BAIAP3: variants seen among roughly 807,000 people sequenced by gnomAD.
BAIAP3 encodes the protein BAI1-associated protein 3.
In BAIAP3, 180 loss-of-function variants were observed where a neutral mutation model predicts 149.7. That is an observed-to-expected ratio of 1.20 (90% CI 1.07 to 1.36). The LOEUF is 1.36. BAIAP3 is among the 40% of genes most tolerant of loss of function. BAIAP3 has a pLI of 0.00. For synonymous variants in BAIAP3, 845 were observed against 670.7 expected (o/e 1.26, Z -4.02); for missense variants, 1,767 against 1,563.4 (o/e 1.13, Z -2.20).
At position 1,346,213 on chromosome 16, in the gene BAIAP3, C is replaced by T. The variant is rs1330645293; in HGVS notation, c.2345C>T (p.Ala782Val). The T allele has an allele frequency of 1.7e-5, 28 of 1,612,310 alleles. No homozygotes were observed. The highest frequency in any genetic ancestry group is 2.2e-5 in the Non-Finnish European group (26 of 1,179,826). The stretch of plus-strand genomic sequence containing the variant: ...AATGTGGAGCTCGTGCGCAAGGCTG[C>T]TGGGCAGGCCTTGAAGGGCCTGGCA... ...LNNVELVRKA[A>V]GQALKGLAWP... is the part of the protein sequence containing the mutation. The change falls in exon 25 of 34, where the codon GCT becomes GTT. Residue 782 changes from alanine (A) to valine (V), a missense_variant. Coordinates refer to ENST00000426824, the MANE Select transcript of BAIAP3 (RefSeq NM_001199097.2).
At chr16:1,335,107 A>G (rs570243278) in intron 1 of BAIAP3, among the ~76,000 whole-genome samples, 1 of 152,324 alleles carries the variant, frequency 6.6e-6, no homozygotes, top group South Asian at 2.1e-4. Context: ...GCCTGGCAGG[A>G]GACAGCTTGG....
intron 1 of BAIAP3, among the ~76,000 whole-genome samples, chr16:1,336,008 G>C (rs776304319): frequency 7.9e-5 from 12 of 152,184 alleles, no homozygotes; most frequent in Non-Finnish European, 1.8e-4. Context: ...AATGCAGGGA[G>C]GGTACCGAGC....
intron 1 of BAIAP3, among the ~76,000 whole-genome samples, chr16:1,338,146 T>C (rs2033595371): frequency 6.6e-6 from 1 of 152,044 alleles, no homozygotes; most frequent in Non-Finnish European, 1.5e-5. Flanking sequence ...GTCCTCTTGA[T>C]GCAGCCCCAG....
At position 1,345,896 on chromosome 16, in the gene BAIAP3, T is replaced by C; in HGVS notation, c.2208+6T>C. 1 of 1,578,194 alleles carries C rather than the reference T, an allele frequency of 6.3e-7. No individual in the cohort carries two copies. Among genetic ancestry groups the C allele is most frequent in the Non-Finnish European group, 8.6e-7 (1 of 1,162,998 alleles). On this transcript the variant is annotated splice_donor_region_variant and intron_variant, in intron 23 of 33. Coordinates refer to ENST00000426824, the MANE Select transcript of BAIAP3 (RefSeq NM_001199097.2). ...TGGGCACCCAGCTTGGCCAGGTGTGTGGGTGGGCCCTGGGGGTGAGGGGAA... is the reference window on the plus strand; with the variant it reads ...TGGGCACCCAGCTTGGCCAGGTGTGCGGGTGGGCCCTGGGGGTGAGGGGAA...
intron 5 of BAIAP3, among the ~76,000 whole-genome samples, chr16:1,340,177 AGGTGCACACAGACACACG>A (rs2033806603): frequency 2.0e-5 from 2 of 100,130 alleles, no homozygotes; most frequent in Non-Finnish European, 3.7e-5. Flanking sequence ...CACAGGCTGC[AGGTGCACACAGACACACG>A]CACACAGGCT....
Position 1,346,072 on chromosome 16 carries a change from C to G in BAIAP3, c.2295C>G (p.Ser765Arg). ...TQPGAAGEAV[S>R]EALCVVLNNV... is the part of the protein sequence containing the mutation. ...CAGGGGCGGCCGGTGAAGCAGTGAG[C>G]GAGGCGGTGAGTGACCAGCTGGGGA... The change falls in exon 24 of 34, where the codon AGC (serine) becomes AGG (arginine). Residue 765 changes from serine to arginine, a missense_variant. Ser to Arg is a moderately radical substitution (Grantham distance 110, BLOSUM62 -1). Transcript: ENST00000426824. The G allele has an allele frequency of 6.2e-7, 1 of 1,610,356 alleles. No individual in the cohort carries two copies.
At position 1,338,592 on chromosome 16, in the gene BAIAP3, G is replaced by A. The variant is rs770107813; in HGVS notation, c.43G>A (p.Val15Met). 6.2e-7 allele frequency: 1 copy of A among 1,609,222 alleles called. No homozygotes were observed. Among genetic ancestry groups the A allele is most frequent in the Non-Finnish European group, 8.5e-7 (1 of 1,178,410 alleles). ...CATTAAGAGCAGCGTGCTCAGGCAG[G>A]TGCAGGTGTGCCCGTCCTTCCGCCG... is the stretch of plus-strand genomic sequence containing the variant. ...LDIKSSVLRQ[V>M]QVCPSFRRRT... The change falls in exon 2 of 34, where the codon GTG becomes ATG. Residue 15 changes from valine to methionine, a missense_variant. By Grantham distance (21) the Val-to-Met change is conservative. Coordinates refer to ENST00000426824, the MANE Select transcript of BAIAP3 (RefSeq NM_001199097.2).
chr16:1,334,173 C>A (rs2033307503), intron 1 of BAIAP3, among the ~76,000 whole-genome samples: 1 of 151,998 alleles, frequency 6.6e-6, no homozygotes, highest in Non-Finnish European at 1.5e-5. Flanking sequence ...CACCCCCCAG[C>A]GTCCTCGTCC....
chr16:1,337,098 A>G (rs1251419455), intron 1 of BAIAP3, among the ~76,000 whole-genome samples: 1 of 152,116 alleles, frequency 6.6e-6, no homozygotes, highest in African/African-American at 2.4e-5. Flanking sequence ...GGCAGTGCAG[A>G]GGTGGAGGGT....
intron 1 of BAIAP3, chr16:1,336,438 G>C: frequency 1.0e-6 from 1 of 971,942 alleles, no homozygotes; most frequent in Non-Finnish European, 1.2e-6. Context: ...CACAGGGTGG[G>C]AGACGCAAAC....
At chr16:1,341,534 G>T (rs761494117) in intron 8 of BAIAP3, 45 bp downstream of exon 8, 1 of 1,578,048 alleles carries the variant, frequency 6.3e-7, no homozygotes, top group Non-Finnish European at 8.6e-7. Flanking sequence ...GCTCTGCCTG[G>T]GGTCCAGAGC....
chr16:1,336,621 C>T (rs533684785), intron 1 of BAIAP3, among the ~76,000 whole-genome samples: 3 of 152,150 alleles, frequency 2.0e-5, no homozygotes, highest in Admixed American at 1.3e-4. Context: ...AGCAGGGGCC[C>T]GGGAGCTGGC....
chr16:1,341,843 G>T lies in BAIAP3; in HGVS notation c.753G>T (p.Thr251=), dbSNP rs376011569. 1.2e-6 allele frequency: 2 copies of T among 1,612,406 alleles called. No homozygotes were observed. The highest frequency in any genetic ancestry group is 2.2e-5 in the South Asian group (2 of 91,022). Residue 251 remains threonine, a synonymous_variant, in exon 9 of 34, where the codon ACG becomes ACT. Transcript: ENST00000426824. ...GTAGCGAGATTGAGGATGTGAGCAC[G>T]GACCAGCTGCACCTGGACATCTGGT... ...HFLFEIEDVS[T]DQLHLDIWDH...
Position 1,341,180 on chromosome 16 carries a change from GCCAAGGACC to G in BAIAP3, c.525_533del (p.Lys175_Pro177del). 6.2e-7 allele frequency: 1 copy of G among 1,612,710 alleles called. No homozygotes were observed. The highest frequency in any genetic ancestry group is 1.3e-5 in the African/African-American group (1 of 75,058). ...TGTCATGCGTGCCAAGAACCTTCTGGCCAAGGACCCCAACGGTGAGTGGGGACCCAGCAG... is the reference window on the plus strand; with the variant it reads ...TGTCATGCGTGCCAAGAACCTTCTGGCCAACGGTGAGTGGGGACCCAGCAG... On this transcript the variant is annotated inframe_deletion, in exon 7 of 34. Coordinates refer to ENST00000426824, the MANE Select transcript of BAIAP3 (RefSeq NM_001199097.2).
Position 1,348,557 on chromosome 16 carries a change from G to A in BAIAP3, c.*75G>A. The stretch of plus-strand genomic sequence containing the variant: ...AGCATCCTCCAGCTCACTGTGGCCA[G>A]CTTTGTGCAACCAGGGCCCACGGCG... On this transcript the variant is annotated 3_prime_UTR_variant, in exon 34 of 34. Coordinates refer to ENST00000426824, the MANE Select transcript of BAIAP3 (RefSeq NM_001199097.2). 2 of 1,444,714 alleles carry A rather than the reference G, an allele frequency of 1.4e-6. No individual in the cohort carries two copies. The highest frequency in any genetic ancestry group is 1.9e-6 in the Non-Finnish European group (2 of 1,054,322). The allele number at this position is 1,444,714 out of a possible 1,614,324, so 89.5% of individuals were successfully genotyped here. A position where few individuals can be genotyped will look rare whatever the true frequency, so the allele number is the denominator to read the frequency against.
chr16:1,336,209 G>C (rs1248427409), intron 1 of BAIAP3: 1 of 985,174 alleles, frequency 1.0e-6, no homozygotes, highest in African/African-American at 1.7e-5. Context: ...TGGCTTCGGG[G>C]GACAGCAGGG....
In BAIAP3 at chr16:1,337,054, G is replaced by A. The variant is rs531138048; in HGVS notation, c.-10-1486G>A. Among the ~76,000 whole-genome samples, 9 of 152,306 alleles carry A rather than the reference G, an allele frequency of 5.9e-5. No homozygotes were observed. In the East Asian group the frequency reaches 1.5e-3, roughly 26 times the overall value. On this transcript the variant is annotated intron_variant, in intron 1 of 33. Coordinates refer to ENST00000426824, the MANE Select transcript of BAIAP3 (RefSeq NM_001199097.2). Reference sequence around the variant, plus strand: ...CTCTGGGACAGTTTCCATGGAGCGGGGAGGAGACCTCCCTGGGGCTGCTGG... The same window carrying A: ...CTCTGGGACAGTTTCCATGGAGCGGAGAGGAGACCTCCCTGGGGCTGCTGG...
At position 1,342,096 on chromosome 16, in the gene BAIAP3, C is replaced by T. The variant is rs752389039; in HGVS notation, c.854+33C>T. 18 of 1,576,146 alleles carry T rather than the reference C, an allele frequency of 1.1e-5. 1 individual carries two copies. Among genetic ancestry groups the T allele is most frequent in the South Asian group, 4.7e-5 (4 of 85,904 alleles). On this transcript the variant is annotated intron_variant, in intron 10 of 33. Transcript: ENST00000426824. The stretch of plus-strand genomic sequence containing the variant: ...TGCTGGGACCTTTCTACCCATCACC[C>T]GTGCCCTCAGCTTGGTCATGGGGCC...
At position 1,345,893 on chromosome 16, in the gene BAIAP3, G is replaced by A. The variant is rs745512016; in HGVS notation, c.2208+3G>A. The A allele has an allele frequency of 1.3e-6, 2 of 1,578,516 alleles. No individual in the cohort carries two copies. Among genetic ancestry groups the A allele is most frequent in the East Asian group, 2.3e-5 (1 of 43,574 alleles). ...GGCTGGGCACCCAGCTTGGCCAGGT[G>A]TGTGGGTGGGCCCTGGGGGTGAGGG... On this transcript the variant is annotated splice_donor_region_variant and intron_variant, in intron 23 of 33. Coordinates refer to ENST00000426824, the MANE Select transcript of BAIAP3 (RefSeq NM_001199097.2).
Sources: gnomAD v4.1 joint callset for allele counts (sites outside exome capture counted in the v4.1 genomes callset) on GRCh38, gnomAD v4.1.1 for gene constraint, MANE v1.5 for transcripts, NCBI Gene and HGNC (gene_info 2026-07-23, HGNC 2026-07-21) for gene names.